Variants in SHROOM4 observed in about 807,000 individuals in gnomAD.
SHROOM4 encodes the protein shroom family member 4.
A neutral mutation model predicts 80.3 loss-of-function variants in SHROOM4; 17 were observed. That is an observed-to-expected ratio of 0.21 (90% CI 0.14 to 0.32). The LOEUF is 0.32. Ranked by LOEUF, SHROOM4 falls within the 10% of genes least tolerant of loss-of-function variation. SHROOM4 has a pLI of 1.00. For synonymous variants in SHROOM4, 400 were observed against 437.5 expected, an observed-to-expected ratio of 0.91 and a Z score of 1.07; for missense variants, 993 against 1,140.3, an observed-to-expected ratio of 0.87 and a Z score of 1.86.
chrX:50,648,011 T>C (rs1490804555), intron 2 of SHROOM4, among the ~76,000 whole-genome samples: 1 of 111,804 alleles, frequency 8.9e-6, no homozygotes, highest in Non-Finnish European at 1.9e-5. Flanking sequence ...CTCAGTGAAA[T>C]GGGAAGCTGT....
chrX:50,607,597 T>A lies in SHROOM4; in HGVS notation c.3545A>T (p.Gln1182Leu). The part of the protein sequence containing the change: ...CALNPEEVLE[Q>L]PQPLSFGHLE... ...GTGGCCAAAGCTGAGGGGTTGTGGCTGCTCTAGGACCTCCTCAGGATTGAG... is the reference window on the plus strand; with the variant it reads ...GTGGCCAAAGCTGAGGGGTTGTGGCAGCTCTAGGACCTCCTCAGGATTGAG... The change falls in exon 6 of 9, where the codon CAG becomes CTG. Residue 1182 changes from glutamine to leucine, a missense_variant. Transcript: ENST00000376020. 1 of 1,211,749 alleles carries A rather than the reference T, an allele frequency of 8.3e-7. No individual in the cohort carries two copies. The highest frequency in any genetic ancestry group is 1.1e-6 in the Non-Finnish European group (1 of 895,457).
Position 50,635,357 on chromosome X carries a change from C to T in SHROOM4, c.716G>A (p.Gly239Asp). 8.3e-7 allele frequency: 1 copy of T among 1,204,731 alleles called. No homozygotes were observed. Among genetic ancestry groups the T allele is most frequent in the East Asian group, 3.0e-5 (1 of 33,537 alleles). ...GTGGCCCCCATTGGTGCGCCGACTA[C>T]CTCCTGAGGTCTCAGCCACATTAGG... Reference protein sequence around the residue: ...GRPNVAETSGGSRRTNGGHLT... With the variant: ...GRPNVAETSGDSRRTNGGHLT... The change falls in exon 4 of 9, where the codon GGT becomes GAT. Residue 239 changes from glycine (G) to aspartate (D), a missense_variant. Coordinates refer to ENST00000376020, the MANE Select transcript of SHROOM4 (RefSeq NM_020717.5).
At position 50,635,537 on chromosome X, in the gene SHROOM4, T is replaced by C; in HGVS notation, c.536A>G (p.Gln179Arg). Reference protein sequence around the residue: ...TYESHLLPIDQNMYPNQRDSA... With the variant: ...TYESHLLPIDRNMYPNQRDSA... ...GTCACGCTGGTTAGGGTACATGTTCTGGTCAATAGGCAACAGATGGCTCTC... is the reference window on the plus strand; with the variant it reads ...GTCACGCTGGTTAGGGTACATGTTCCGGTCAATAGGCAACAGATGGCTCTC... The change falls in exon 4 of 9, where the codon CAG (glutamine) becomes CGG (arginine). Residue 179 changes from glutamine to arginine, a missense_variant. By Grantham distance (43) the Gln-to-Arg change is conservative. Coordinates refer to ENST00000376020, the MANE Select transcript of SHROOM4 (RefSeq NM_020717.5). 1 of 1,210,717 alleles carries C rather than the reference T, an allele frequency of 8.3e-7. No homozygotes were observed. Among genetic ancestry groups the C allele is most frequent in the Non-Finnish European group, 1.1e-6 (1 of 895,259 alleles).
intron 5 of SHROOM4, among the ~76,000 whole-genome samples, chrX:50,625,708 T>G (rs1194656168): frequency 8.9e-6 from 1 of 111,770 alleles, no homozygotes; most frequent in Non-Finnish European, 1.9e-5. Flanking sequence ...CTTCTCCTAA[T>G]TGGTCTCTCT....
intron 1 of SHROOM4, among the ~76,000 whole-genome samples, chrX:50,751,361 C>A (rs139613100): frequency 8.9e-6 from 1 of 111,878 alleles, no homozygotes; most frequent in African/African-American, 3.3e-5. Context: ...GGGGGAACAA[C>A]AGAGAACTAG....
intron 1 of SHROOM4, among the ~76,000 whole-genome samples, chrX:50,750,386 C>T (rs1162332424): frequency 1.8e-5 from 2 of 111,786 alleles, no homozygotes; most frequent in African/African-American, 3.3e-5. Context: ...CAGCCTCCCC[C>T]GAGTAGCTGG....
chrX:50,754,931 T>C (rs1935006274), intron 1 of SHROOM4, among the ~76,000 whole-genome samples: 1 of 112,426 alleles, frequency 8.9e-6, no homozygotes, highest in African/African-American at 3.2e-5. Context: ...AGCTCTGCAG[T>C]GCACTGTGAC....
chrX:50,792,400 G>T (rs1935870902), intron 1 of SHROOM4, among the ~76,000 whole-genome samples: 1 of 110,229 alleles, frequency 9.1e-6, no homozygotes, highest in Admixed American at 9.6e-5. Flanking sequence ...CAGCTATTTG[G>T]GAGGCTGAGG....
chrX:50,622,293 A>T (rs906049224), intron 5 of SHROOM4, among the ~76,000 whole-genome samples: 10 of 112,108 alleles, frequency 8.9e-5, no homozygotes, highest in Non-Finnish European at 1.9e-4. Context: ...GGTCATGCAT[A>T]TAAAAACACC....
At chrX:50,604,609 T>C (rs1929587308) in intron 6 of SHROOM4, among the ~76,000 whole-genome samples, 2 of 111,825 alleles carry the variant, frequency 1.8e-5, no homozygotes, top group Non-Finnish European at 3.8e-5. Flanking sequence ...ATTTAGGGTA[T>C]GTGTGAAAGT....
At chrX:50,692,191 C>G (rs1453357798) in intron 2 of SHROOM4, among the ~76,000 whole-genome samples, 1 of 112,078 alleles carries the variant, frequency 8.9e-6, no homozygotes, top group Non-Finnish European at 1.9e-5. Flanking sequence ...CCTGAACACT[C>G]TCATTCTTGT....
At chrX:50,699,717 A>G (rs139425021) in intron 1 of SHROOM4, among the ~76,000 whole-genome samples, 2,544 of 111,835 alleles carry the variant, frequency 0.023, 38 homozygotes, top group Middle Eastern at 0.061. Flanking sequence ...TGGGTCTTCA[A>G]TGAAGCATGA....
At chrX:50,618,269 C>G (rs1397992780) in intron 5 of SHROOM4, among the ~76,000 whole-genome samples, 1 of 101,047 alleles carries the variant, frequency 9.9e-6, no homozygotes, top group African/African-American at 3.6e-5. Context: ...CTTTTCTTCT[C>G]TTCTCTTCCC....
chrX:50,741,608 TAG>T (rs1274841394), intron 1 of SHROOM4, among the ~76,000 whole-genome samples: 1 of 111,261 alleles, frequency 9.0e-6, no homozygotes. Flanking sequence ...AGGGCATTCT[TAG>T]AGTGTGAAAT....
downstream of SHROOM4, among the ~76,000 whole-genome samples, chrX:50,583,044 A>G (rs979413437): frequency 2.8e-5 from 3 of 108,907 alleles, no homozygotes; most frequent in African/African-American, 1.0e-4. Flanking sequence ...TATAGAACAT[A>G]AGAGATTTTC....
intron 1 of SHROOM4, among the ~76,000 whole-genome samples, chrX:50,713,469 AT>A (rs377307310): frequency 0.024 from 2,578 of 107,234 alleles, 101 homozygotes; most frequent in African/African-American, 0.084. Context: ...TGTCTCTAAA[AT>A]TTTTTTTTTA....
At chrX:50,609,426 A>T in intron 5 of SHROOM4, among the ~76,000 whole-genome samples, 1 of 111,467 alleles carries the variant, frequency 9.0e-6, no homozygotes. Context: ...TAAGTAAGGG[A>T]TAAAGTATAT....
At position 50,809,557 on chromosome X, in the gene SHROOM4, T is replaced by C. The variant is rs1936292160; in HGVS notation, c.117+4345A>G. On this transcript the variant is annotated intron_variant, in intron 1 of 8. Transcript: ENST00000376020. ...TTATGCCTAGGCCCCACTCTGCAAA[T>C]AGAGACTTGGGTCTGGAGAGTGTAA... 2.7e-5 allele frequency among the ~76,000 whole-genome samples: 3 copies of C among 112,252 alleles called. No homozygotes were observed. In the Admixed American group the frequency reaches 2.8e-4, roughly 11 times the overall value.
chrX:50,706,714 A>G (rs922839113), intron 1 of SHROOM4, among the ~76,000 whole-genome samples: 1 of 111,830 alleles, frequency 8.9e-6, no homozygotes, highest in Non-Finnish European at 1.9e-5. Flanking sequence ...CTAAAGAGAC[A>G]CTTTAAACTT....
Sources: allele counts gnomAD v4.1 joint callset (sites outside exome capture counted in the v4.1 genomes callset), GRCh38; gene constraint gnomAD v4.1.1; transcripts MANE v1.5; gene names NCBI Gene and HGNC (gene_info 2026-07-23, HGNC 2026-07-21).